IAH1: variants seen among roughly 807,000 people sequenced by gnomAD.
IAH1 encodes isoamyl acetate-hydrolyzing esterase 1 homolog.
In IAH1, 24 loss-of-function variants were observed where a neutral mutation model predicts 26.7. The observed-to-expected ratio is 0.90, with a 90% CI of 0.65 to 1.26. The LOEUF is 1.26. Among genes scored for constraint, IAH1 ranks in the 50% most tolerant of loss-of-function variants. The pLI, the probability that IAH1 is intolerant of heterozygous loss-of-function variation, is 0.00. For missense variants in IAH1, 300 were observed against 299.9 expected (o/e 1.00, Z 0.00); for synonymous variants, 140 against 118.5 (o/e 1.18, Z -1.18).
the IAH1 span, chr2:9,505,039 G>T: frequency 1.9e-6 from 2 of 1,042,112 alleles, no homozygotes; most frequent in East Asian, 2.6e-5. Flanking sequence ...GGCAAAAGAG[G>T]TAGATGTAAA....
At chr2:9,480,458 C>T (rs1286044669) in intron 3 of IAH1, among the ~76,000 whole-genome samples, 3 of 152,212 alleles carry the variant, frequency 2.0e-5, no homozygotes, top group Non-Finnish European at 4.4e-5. Context: ...TGTGATCACA[C>T]TACACTCCAG....
the IAH1 span, among the ~76,000 whole-genome samples, chr2:9,505,817 G>A: frequency 2.6e-5 from 4 of 151,908 alleles, no homozygotes; most frequent in Admixed American, 1.3e-4. Context: ...CAGGAGAAGG[G>A]GTTTCTTCTC....
At chr2:9,490,447 A>G (rs374390369), downstream of IAH1, 1 of 1,614,124 alleles carries the variant, frequency 6.2e-7, no homozygotes, top group South Asian at 1.1e-5. Context: ...GGCGGCCTGG[A>G]GTCTGGGGCG....
chr2:9,497,230 G>T, downstream of IAH1: 1 of 1,614,082 alleles, frequency 6.2e-7, no homozygotes, highest in Non-Finnish European at 8.5e-7. Context: ...TCCTGGAGGC[G>T]GGCACTCACT....
chr2:9,474,648 G>T lies in IAH1; in HGVS notation c.81+1G>T. 6.5e-7 allele frequency: 1 copy of T among 1,547,790 alleles called. No homozygotes were observed. Among genetic ancestry groups the T allele is most frequent in the East Asian group, 2.6e-5 (1 of 38,398 alleles). ...GCTCTTCGGGGACTCCATCACCCAG[G>T]TACGGCCGCCCCGACGCTCGGCCTC... is the stretch of plus-strand genomic sequence containing the variant. On this transcript the variant is annotated splice_donor_variant, in intron 1 of 5. Coordinates refer to ENST00000497473, the MANE Select transcript of IAH1 (RefSeq NM_001039613.3). LOFTEE classifies it high-confidence loss of function. This position sits in a 1 kb window ranked among gnomAD's most constrained non-coding sequence, Gnocchi z 4.3.
the IAH1 span, among the ~76,000 whole-genome samples, chr2:9,507,357 C>G: frequency 6.6e-6 from 1 of 151,970 alleles, no homozygotes; most frequent in Non-Finnish European, 1.5e-5. Flanking sequence ...CAAAAATTGG[C>G]CAGGTGTGGT....
the IAH1 span, among the ~76,000 whole-genome samples, chr2:9,509,409 C>A: frequency 6.6e-6 from 1 of 152,276 alleles, no homozygotes; most frequent in African/African-American, 2.4e-5. Context: ...CTATCAGAAA[C>A]CCCCAATAGT....
At chr2:9,500,596 C>A (rs1384658865), downstream of IAH1, among the ~76,000 whole-genome samples, 3 of 152,000 alleles carry the variant, frequency 2.0e-5, no homozygotes, top group African/African-American at 7.2e-5. Flanking sequence ...TCAAACCAAC[C>A]AACCAAGAGA....
intron 5 of IAH1, chr2:9,485,058 G>T (rs1380834009): frequency 1.3e-5 from 2 of 153,596 alleles, no homozygotes; most frequent in African/African-American, 2.4e-5. Flanking sequence ...ATACACTTAG[G>T]GAGGACCTGG....
the IAH1 span, among the ~76,000 whole-genome samples, chr2:9,507,516 A>G: frequency 1.3e-5 from 2 of 152,312 alleles, no homozygotes; most frequent in Admixed American, 6.5e-5. Context: ...ATCATAATAA[A>G]TAATAATAAA....
At chr2:9,475,837 T>TA in intron 1 of IAH1, 150 bp from the exon 2 acceptor site, 3 of 661,878 alleles carry the variant, frequency 4.5e-6, no homozygotes, top group South Asian at 1.8e-5. Flanking sequence ...CAGGTGTACT[T>TA]ACCTGTAATC....
chr2:9,501,326 G>A (rs185730174), downstream of IAH1, among the ~76,000 whole-genome samples: 64 of 152,262 alleles, frequency 4.2e-4, no homozygotes, highest in Admixed American at 9.2e-4. Flanking sequence ...TCCAAGCGTT[G>A]GCCAGAACGT....
intron 5 of IAH1, among the ~76,000 whole-genome samples, chr2:9,487,757 A>G (rs1396937937): frequency 6.6e-6 from 1 of 151,806 alleles, no homozygotes; most frequent in Non-Finnish European, 1.5e-5. Context: ...ACTGGCATTT[A>G]GAAAAGTTAT....
intron 4 of IAH1, among the ~76,000 whole-genome samples, chr2:9,482,998 T>TG (rs886233967): frequency 2.6e-5 from 4 of 152,192 alleles, no homozygotes; most frequent in African/African-American, 9.6e-5. Flanking sequence ...CTAACTGCTT[T>TG]GGGGGGCAGT....
chr2:9,494,825 GCCT>G (rs1662443948), exon 6 of IAH1: 5 of 1,595,224 alleles, frequency 3.1e-6, no homozygotes, highest in South Asian at 1.1e-5. Flanking sequence ...CTCTCCTCCT[GCCT>G]CCTCTTTCCT....
downstream of IAH1, chr2:9,493,694 T>A (rs1466378126): frequency 7.4e-6 from 11 of 1,485,388 alleles, no homozygotes; most frequent in African/African-American, 5.5e-5. Flanking sequence ...TTTTCTAATG[T>A]CATCACAGAA....
downstream of IAH1, among the ~76,000 whole-genome samples, chr2:9,492,081 G>A (rs1007342134): frequency 1.3e-5 from 2 of 152,184 alleles, no homozygotes; most frequent in South Asian, 4.1e-4. Context: ...CCCCTAGGCA[G>A]GAGAAGCCAG....
In IAH1 at chr2:9,495,178, G is replaced by A. The variant is rs529007598; in HGVS notation, c.*222+318G>A. ...GCCCACACTGGCTCCCTGAAAGCGA[G>A]AGCAGCTGGGACACAACTGTCCACC... On this transcript the variant is annotated intron_variant, in intron 6 of 6. Coordinates refer to the IAH1 transcript ENST00000481367. Among the ~76,000 whole-genome samples, 14 of 152,310 alleles carry A rather than the reference G, an allele frequency of 9.2e-5. No individual in the cohort carries two copies. The South Asian group carries it at 1.9e-3, about 20-fold the overall frequency.
In IAH1 at chr2:9,488,753, A is replaced by G. The variant is rs917911643; in HGVS notation, c.*424A>G. The G allele has an allele frequency of 6.5e-6, 1 of 153,058 alleles. No homozygotes were observed. Among genetic ancestry groups the G allele is most frequent in the Admixed American group, 6.5e-5 (1 of 15,332 alleles). 9.5% of individuals were successfully genotyped at this position (153,058 alleles called of 1,614,324 possible). The stretch of plus-strand genomic sequence containing the variant: ...TAAAAGATAGCAAATACCATAAGGT[A>G]CAAGTTCAAGTATTAGTATAACAAG... On this transcript the variant is annotated 3_prime_UTR_variant, in exon 6 of 6. Transcript: ENST00000497473.
Sources: allele counts gnomAD v4.1 joint callset (sites outside exome capture counted in the v4.1 genomes callset), GRCh38; gene constraint gnomAD v4.1.1; non-coding constraint Gnocchi (gnomAD v3.1); transcripts MANE v1.5; gene names NCBI Gene and HGNC (gene_info 2026-07-23, HGNC 2026-07-21).